Variants in PTGER4 observed in about 807,000 individuals in gnomAD.
The protein encoded by PTGER4 is prostaglandin E2 receptor EP4 subtype.
PTGER4 carries 11 observed loss-of-function variants against 33.2 expected under a neutral mutation model. That is an observed-to-expected ratio of 0.33 (90% CI 0.21 to 0.55). The LOEUF (loss-of-function observed/expected upper bound fraction) is 0.55, where lower values mean the gene tolerates loss of function less well. Ranked by LOEUF, PTGER4 falls within the 20% of genes least tolerant of loss-of-function variation. PTGER4 has a pLI of 0.92. For missense variants in PTGER4, 481 were observed against 650.2 expected (o/e 0.74, Z 2.83); for synonymous variants, 275 against 281.5 (o/e 0.98, Z 0.23).
At chr5:40,722,936 T>C in the PTGER4 span, among the ~76,000 whole-genome samples, 1 of 151,874 alleles carries the variant, frequency 6.6e-6, no homozygotes, top group Non-Finnish European at 1.5e-5. Flanking sequence ...ATCTGGGAGG[T>C]GTACCCAACA....
At position 40,681,710 on chromosome 5, in the gene PTGER4, G is replaced by A; in HGVS notation, c.717G>A (p.Arg239=). 1.9e-6 allele frequency: 3 copies of A among 1,588,150 alleles called. No individual in the cohort carries two copies. The highest frequency in any genetic ancestry group is 2.6e-6 in the Non-Finnish European group (3 of 1,171,690). Residue 239 remains arginine (R), a synonymous_variant, in exon 2 of 3, where the codon CGG becomes CGA. Transcript: ENST00000302472. The surrounding 1 kb of genome is among the most constrained non-coding windows in gnomAD (Gnocchi z 9.8). ...HAAAAASVAS[R]GHPAASPALP... is the part of the protein sequence containing the mutation. ...CCGCGGCCGCCTCGGTTGCCTCCCG[G>A]GGCCACCCCGCTGCCTCCCCAGCCT...
chr5:40,696,133 C>G (rs892762413), downstream of PTGER4, among the ~76,000 whole-genome samples: 2 of 152,176 alleles, frequency 1.3e-5, no homozygotes, highest in Admixed American at 6.5e-5. Flanking sequence ...TTCAAGAGTT[C>G]TTTCCCAAAT....
Position 40,692,323 on chromosome 5 carries a change from C to G in PTGER4, c.1412C>G (p.Ser471Cys). The change falls in exon 3 of 3, where the codon TCC becomes TGC. Residue 471 changes from serine to cysteine, a missense_variant. Physicochemically the swap from Ser to Cys is moderately radical, Grantham distance 112. Around this residue, in one of 7 missense-constraint regions of PTGER4, gnomAD observed 172 missense variants for 199.2 expected, o/e 0.86. Transcript: ENST00000302472. ...GRAGPAPKGS[S>C]LQVTFPSETL... ...GCTGGGCCTGCCCCTAAGGGGAGCT[C>G]CCTGCAAGTCACATTTCCCAGTGAA... is the stretch of plus-strand genomic sequence containing the variant. The G allele has an allele frequency of 1.2e-6, 2 of 1,608,944 alleles. No homozygotes were observed. Among genetic ancestry groups the G allele is most frequent in the Non-Finnish European group, 1.7e-6 (2 of 1,177,760 alleles).
In PTGER4 at chr5:40,691,205, C is replaced by G. The variant is rs1368576753; in HGVS notation, c.868-574C>G. On this transcript the variant is annotated intron_variant, in intron 2 of 2. Transcript: ENST00000302472. The surrounding 1 kb of genome is among the most constrained non-coding windows in gnomAD (Gnocchi z 4.2). ...CTGGCTAATTTTTGTTTTTTTGAGACGGAGTCTCGCTCTGTCGCCAGGCTG... is the reference window on the plus strand; with the variant it reads ...CTGGCTAATTTTTGTTTTTTTGAGAGGGAGTCTCGCTCTGTCGCCAGGCTG... 6.6e-6 allele frequency among the ~76,000 whole-genome samples: 1 copy of G among 151,160 alleles called. No homozygotes were observed. Among genetic ancestry groups the G allele is most frequent in the East Asian group, 2.0e-4 (1 of 5,118 alleles).
At chr5:40,736,698 A>G in the PTGER4 span, among the ~76,000 whole-genome samples, 1 of 152,214 alleles carries the variant, frequency 6.6e-6, no homozygotes, top group Non-Finnish European at 1.5e-5. Flanking sequence ...ATTAGGTGCT[A>G]GGTAGCATGC....
At chr5:40,697,241 A>AGAAAGAAAGAAG (rs1741627633), downstream of PTGER4, among the ~76,000 whole-genome samples, 2 of 45,150 alleles carry the variant, frequency 4.4e-5, no homozygotes, top group African/African-American at 1.2e-4. Context: ...AAAGAAAGAA[A>AGAAAGAAAGAAG]GAAAGAAAGA....
downstream of PTGER4, chr5:40,696,742 A>G (rs993483079): frequency 1.2e-5 from 12 of 961,916 alleles, no homozygotes; most frequent in African/African-American, 1.8e-5. Flanking sequence ...GCAACTCTAC[A>G]CACTAAAATC....
chr5:40,693,773 G>A (rs1215156639), downstream of PTGER4: 1 of 936,102 alleles, frequency 1.1e-6, no homozygotes, highest in Non-Finnish European at 1.3e-6. Context: ...AAACTTGTGG[G>A]GGCTTTTTTG....
intron 2 of PTGER4, among the ~76,000 whole-genome samples, chr5:40,682,857 C>T (rs1579642717): frequency 6.6e-6 from 1 of 152,150 alleles, no homozygotes; most frequent in Non-Finnish European, 1.5e-5. Flanking sequence ...GTTTGTAAAG[C>T]GTGGGTTGGA....
At chr5:40,685,377 T>G in intron 2 of PTGER4, 5 of 985,210 alleles carry the variant, frequency 5.1e-6, no homozygotes, top group Non-Finnish European at 6.0e-6. Context: ...ATAGATATGC[T>G]TTTGTTTACT....
intron 2 of PTGER4, among the ~76,000 whole-genome samples, chr5:40,682,175 C>A (rs893834724): frequency 2.0e-5 from 3 of 151,936 alleles, no homozygotes; most frequent in East Asian, 3.9e-4. Flanking sequence ...AAACCCCCCG[C>A]CCCCTCTGTT....
chr5:40,698,060 T>TCTGGGCAA (rs1457228102), downstream of PTGER4, among the ~76,000 whole-genome samples: 2 of 120,772 alleles, frequency 1.7e-5, no homozygotes, highest in Non-Finnish European at 3.2e-5. Context: ...TCAAGACCTG[T>TCTGGGCAA]CTGGGCAACA....
the PTGER4 span, chr5:40,730,233 A>C: frequency 6.5e-7 from 1 of 1,543,026 alleles, no homozygotes; most frequent in Non-Finnish European, 8.9e-7. Flanking sequence ...CAATTTCATA[A>C]GGAAAGTGAA....
At chr5:40,689,100 G>A (rs374713012) in intron 2 of PTGER4, among the ~76,000 whole-genome samples, 1 of 152,178 alleles carries the variant, frequency 6.6e-6, no homozygotes, top group African/African-American at 2.4e-5. Context: ...TCCTGGACCA[G>A]AACATAGGAA....
chr5:40,697,215 A>AG, downstream of PTGER4, among the ~76,000 whole-genome samples: 2 of 133,376 alleles, frequency 1.5e-5, no homozygotes, highest in African/African-American at 5.8e-5. Flanking sequence ...AAAGAAAGAA[A>AG]AAGAAAGAAG....
downstream of PTGER4, chr5:40,696,531 G>A (rs1741586993): frequency 3.2e-6 from 1 of 309,384 alleles, no homozygotes; most frequent in East Asian, 1.7e-4. Flanking sequence ...TACAGCTGGT[G>A]CTTTAGCCCC....
the PTGER4 span, among the ~76,000 whole-genome samples, chr5:40,722,903 C>T: frequency 6.6e-6 from 1 of 152,012 alleles, no homozygotes; most frequent in Non-Finnish European, 1.5e-5. Flanking sequence ...AAGTGAGGAG[C>T]CCCTCTGCCC....
the PTGER4 span, among the ~76,000 whole-genome samples, chr5:40,706,884 TAAAGA>T: frequency 2.4e-3 from 369 of 152,214 alleles, no homozygotes; most frequent in African/African-American, 8.5e-3. Context: ...TCAACATTCT[TAAAGA>T]AAAGAATTTT....
the PTGER4 span, among the ~76,000 whole-genome samples, chr5:40,702,545 G>A: frequency 1.3e-5 from 2 of 152,208 alleles, no homozygotes; most frequent in Non-Finnish European, 2.9e-5. Context: ...AAGAGACATA[G>A]ATTCCAGACA....
Sources: gnomAD v4.1 joint callset for allele counts (sites outside exome capture counted in the v4.1 genomes callset) on GRCh38, gnomAD v4.1.1 for gene constraint, gnomAD v4.1.1 regional missense constraint, Gnocchi (gnomAD v3.1) non-coding constraint, MANE v1.5 for transcripts, NCBI Gene and HGNC (gene_info 2026-07-23, HGNC 2026-07-21) for gene names.